The following CDH13 variants were observed in gnomAD, a reference collection of about 807,000 sequenced individuals.
The protein encoded by CDH13 is cadherin 13, also known as cadherin-13.
CDH13 carries 24 observed loss-of-function variants against 63.8 expected under a neutral mutation model. The ratio of observed to expected loss-of-function variants is 0.38; its 90% CI spans 0.27 to 0.53. The LOEUF is 0.53. Ranked by LOEUF, CDH13 falls within the 20% of genes least tolerant of loss-of-function variation. The probability of loss-of-function intolerance (pLI) is 0.85; values close to 1 mark genes in which losing one functional copy is unlikely to be tolerated. For missense variants in CDH13, 1,049 were observed against 903.1 expected, an observed-to-expected ratio of 1.16 and a Z score of -2.07; for synonymous variants, 503 against 355.3, an observed-to-expected ratio of 1.42 and a Z score of -4.67.
At chr16:83,148,092 C>T (rs1360600514) in intron 4 of CDH13, among the ~76,000 whole-genome samples, 1 of 152,164 alleles carries the variant, frequency 6.6e-6, no homozygotes, top group Non-Finnish European at 1.5e-5. Context: ...CGTGCGCCAC[C>T]ACGCCTGGCT....
chr16:82,713,527 G>A (rs534873658), intron 1 of CDH13, among the ~76,000 whole-genome samples: 5 of 152,210 alleles, frequency 3.3e-5, no homozygotes, highest in African/African-American at 7.2e-5. Flanking sequence ...CGGTGTTTCC[G>A]GGAGTCAGAA....
At chr16:83,087,287 A>G (rs1053395623) in intron 3 of CDH13, among the ~76,000 whole-genome samples, 2 of 152,194 alleles carry the variant, frequency 1.3e-5, no homozygotes, top group Admixed American at 6.5e-5. Context: ...AAAAAGTCTG[A>G]CTCATTTTAT....
chr16:82,677,264 C>T (rs1564029), intron 1 of CDH13, among the ~76,000 whole-genome samples: 23,696 of 152,162 alleles, frequency 0.16, 2,279 homozygotes, highest in East Asian at 0.4. Flanking sequence ...GGTCTATTGC[C>T]ACTTCTTTGG....
chr16:82,764,990 A>G (rs1296239530), intron 1 of CDH13, among the ~76,000 whole-genome samples: 1 of 151,888 alleles, frequency 6.6e-6, no homozygotes, highest in Non-Finnish European at 1.5e-5. Flanking sequence ...AATTTCTTGT[A>G]TTTTTAGTAG....
chr16:82,658,222 A>G (rs565793040), intron 1 of CDH13, among the ~76,000 whole-genome samples: 24 of 152,348 alleles, frequency 1.6e-4, no homozygotes, highest in African/African-American at 5.5e-4. Context: ...GGCTTAGCTC[A>G]CAAAAGTTGT....
At chr16:82,716,096 C>T (rs1455623137) in intron 1 of CDH13, among the ~76,000 whole-genome samples, 1 of 152,184 alleles carries the variant, frequency 6.6e-6, no homozygotes, top group Non-Finnish European at 1.5e-5. Flanking sequence ...CCTTAGGACA[C>T]AGAAGGGCAG....
chr16:83,545,223 C>T lies in CDH13; in HGVS notation c.961-57231C>T, dbSNP rs150204961. ...TGGGTGGGAAGGTGTGGAAACCCTC[C>T]AAGCACCATCTGACATACCCAGTGA... is the stretch of plus-strand genomic sequence containing the variant. On this transcript the variant is annotated intron_variant, in intron 7 of 13. Transcript: ENST00000567109. Among the ~76,000 whole-genome samples the T allele has an allele frequency of 4.7e-4, 72 of 152,282 alleles. No homozygotes were observed. The East Asian group carries it at 0.013, about 27-fold the overall frequency.
intron 2 of CDH13, among the ~76,000 whole-genome samples, chr16:83,006,206 A>C (rs935275743): frequency 6.6e-6 from 1 of 152,262 alleles, no homozygotes; most frequent in African/African-American, 2.4e-5. Flanking sequence ...TTAATACATA[A>C]ACAAAAAAGA....
At chr16:83,024,567 C>A in intron 2 of CDH13, among the ~76,000 whole-genome samples, 1 of 152,216 alleles carries the variant, frequency 6.6e-6, no homozygotes, top group East Asian at 1.9e-4. Flanking sequence ...TTCGTGGCCT[C>A]GGATAACTCA....
At chr16:83,056,303 TA>T (rs907449534) in intron 3 of CDH13, among the ~76,000 whole-genome samples, 2 of 152,150 alleles carry the variant, frequency 1.3e-5, no homozygotes, top group Non-Finnish European at 2.9e-5. Context: ...TCCAGATCTA[TA>T]ACTAAAACAA....
At chr16:83,005,621 T>C (rs1018175642) in intron 2 of CDH13, among the ~76,000 whole-genome samples, 1 of 152,236 alleles carries the variant, frequency 6.6e-6, no homozygotes, top group African/African-American at 2.4e-5. Flanking sequence ...AAAAAGGAGT[T>C]GTCTCACCAT....
At chr16:83,196,570 A>G (rs951005491) in intron 4 of CDH13, among the ~76,000 whole-genome samples, 2 of 152,200 alleles carry the variant, frequency 1.3e-5, no homozygotes, top group African/African-American at 4.8e-5. Context: ...ATATAGAAAG[A>G]ACTCTCTAAA....
rs530437199 is a variant in CDH13, at chr16:83,030,319, A to G, written c.158-1691A>G. Among the ~76,000 whole-genome samples the G allele has an allele frequency of 7.2e-5, 11 of 152,162 alleles. No individual in the cohort carries two copies. The East Asian group carries it at 1.7e-3, about 24-fold the overall frequency. On this transcript the variant is annotated intron_variant, in intron 2 of 13. Coordinates refer to ENST00000567109, the MANE Select transcript of CDH13 (RefSeq NM_001257.5). The stretch of plus-strand genomic sequence containing the variant: ...CTTTAAATCACTTGCTATAACCCAG[A>G]TCTGCCAAATTATAATCATTGTATT...
intron 2 of CDH13, chr16:82,954,301 G>C (rs1308213428): frequency 2.0e-5 from 3 of 152,118 alleles, no homozygotes; most frequent in Admixed American, 6.5e-5. Context: ...GGAACTTCCA[G>C]TTCACCCTGT....
At chr16:83,191,554 T>C (rs1319680068) in intron 4 of CDH13, among the ~76,000 whole-genome samples, 17 of 137,490 alleles carry the variant, frequency 1.2e-4, no homozygotes, top group African/African-American at 3.8e-4. Flanking sequence ...TATATATATA[T>C]ATACACACAC....
intron 6 of CDH13, among the ~76,000 whole-genome samples, chr16:83,454,631 C>T (rs770964159): frequency 3.3e-5 from 5 of 152,122 alleles, no homozygotes; most frequent in South Asian, 2.1e-4. Flanking sequence ...GGTTAAACAT[C>T]TAGGCCATCG....
At chr16:82,671,061 A>T (rs1306704555) in intron 1 of CDH13, among the ~76,000 whole-genome samples, 1 of 152,198 alleles carries the variant, frequency 6.6e-6, no homozygotes. Context: ...TCCTCATGCC[A>T]GCCTTTCGTG....
rs76814185 is a variant in CDH13 at position 83,285,121 on chromosome 16, C to T, written c.637-59741C>T. On this transcript the variant is annotated intron_variant, in intron 5 of 13. Coordinates refer to ENST00000567109, the MANE Select transcript of CDH13 (RefSeq NM_001257.5). ...TTTAACCTTCAGAAGTACATTTTGT[C>T]TGGAGGACCAGAGTATCGATGTGAT... Among the ~76,000 whole-genome samples, 593 of 152,178 alleles carry T rather than the reference C, an allele frequency of 3.9e-3. 8 individuals are homozygous for T. The highest frequency in any genetic ancestry group is 0.01 in the African/African-American group (432 of 41,516).
chr16:83,064,284 G>T (rs1025776869), intron 3 of CDH13, among the ~76,000 whole-genome samples: 3 of 152,096 alleles, frequency 2.0e-5, no homozygotes, highest in Non-Finnish European at 2.9e-5. Context: ...TAGGAAAATC[G>T]CTTGAACCCG....
Sources: allele counts gnomAD v4.1 joint callset (sites outside exome capture counted in the v4.1 genomes callset), GRCh38; gene constraint gnomAD v4.1.1; transcripts MANE v1.5; gene names NCBI Gene and HGNC (gene_info 2026-07-23, HGNC 2026-07-21).